Variants in BCAR3 observed in about 807,000 individuals in gnomAD.
The protein encoded by BCAR3 is breast cancer anti-estrogen resistance protein 3.
A neutral mutation model predicts 80.1 loss-of-function variants in BCAR3; 37 were observed. That is an observed-to-expected ratio of 0.46 (90% confidence interval 0.36 to 0.61). The LOEUF (loss-of-function observed/expected upper bound fraction) is 0.61. Among genes scored for constraint, BCAR3 ranks in the 20% least tolerant of loss-of-function variants. The pLI, the probability that BCAR3 is intolerant of heterozygous loss-of-function variation, is 0.00. For synonymous variants in BCAR3, 389 were observed against 418.9 expected, an observed-to-expected ratio of 0.93 and a Z score of 0.87; for missense variants, 978 against 1,068.2, an observed-to-expected ratio of 0.92 and a Z score of 1.18.
chr1:93,670,372 C>T (rs1339150744), intron 2 of BCAR3, among the ~76,000 whole-genome samples: 2 of 152,146 alleles, frequency 1.3e-5, no homozygotes, highest in African/African-American at 4.8e-5. Flanking sequence ...AGACCAACTC[C>T]CCCTTCCAGG....
At chr1:93,581,403 A>G (rs1445418828) in intron 7 of BCAR3, among the ~76,000 whole-genome samples, 1 of 151,304 alleles carries the variant, frequency 6.6e-6, no homozygotes, top group African/African-American at 2.4e-5. Context: ...TTTAATCTGT[A>G]TTTTAGAATT....
intron 8 of BCAR3, among the ~76,000 whole-genome samples, 155 bp from the exon 9 acceptor site, chr1:93,571,996 G>C (rs1317597062): frequency 3.3e-5 from 5 of 152,336 alleles, no homozygotes; most frequent in Middle Eastern, 3.4e-3. Flanking sequence ...TCTCAACAGA[G>C]AGAACGCCCC....
intron 2 of BCAR3, among the ~76,000 whole-genome samples, chr1:93,714,223 C>T (rs1364335678): frequency 4.6e-5 from 7 of 152,164 alleles, no homozygotes; most frequent in Non-Finnish European, 7.3e-5. Flanking sequence ...CCTCGTGATC[C>T]GCCCACCTCG....
intron 1 of BCAR3, among the ~76,000 whole-genome samples, chr1:93,680,615 T>C (rs1184297058): frequency 6.6e-6 from 1 of 152,170 alleles, no homozygotes; most frequent in African/African-American, 2.4e-5. Context: ...TGTGTAGCCT[T>C]GGGAGATAAA....
At chr1:93,783,964 G>GATGTTTACCCTTAGAACTCATCCACC (rs1261976105) in intron 2 of BCAR3, among the ~76,000 whole-genome samples, 1 of 152,140 alleles carries the variant, frequency 6.6e-6, no homozygotes, top group Non-Finnish European at 1.5e-5. Flanking sequence ...TCTCTCTTGC[G>GATGTTTACCCTTAGAACTCATCCACC]ATGTTTACCC....
At chr1:93,801,954 C>A (rs1475555414) in intron 2 of BCAR3, among the ~76,000 whole-genome samples, 1 of 151,878 alleles carries the variant, frequency 6.6e-6, no homozygotes, top group African/African-American at 2.4e-5. Context: ...CCCGTCTCTA[C>A]TAAAAATACA....
chr1:93,708,824 T>C (rs1034878921), intron 2 of BCAR3, among the ~76,000 whole-genome samples: 3 of 152,210 alleles, frequency 2.0e-5, no homozygotes, highest in African/African-American at 7.2e-5. Flanking sequence ...GGGGCTCCTT[T>C]GCCCCGCCAG....
intron 2 of BCAR3, among the ~76,000 whole-genome samples, chr1:93,772,767 A>G (rs1283676182): frequency 6.6e-6 from 1 of 151,916 alleles, no homozygotes; most frequent in Admixed American, 6.6e-5. Context: ...CACCACGCCC[A>G]GCTAATTTTT....
At chr1:93,707,810 C>T (rs993335152) in intron 2 of BCAR3, among the ~76,000 whole-genome samples, 4 of 152,134 alleles carry the variant, frequency 2.6e-5, no homozygotes, top group Admixed American at 1.3e-4. Context: ...AAGAAAACAA[C>T]GTAATATTAA....
At chr1:93,625,216 TA>T (rs1218897969) in intron 3 of BCAR3, among the ~76,000 whole-genome samples, 1 of 152,078 alleles carries the variant, frequency 6.6e-6, no homozygotes, top group African/African-American at 2.4e-5. Flanking sequence ...ATCTCAAAAA[TA>T]AAAGAGTCAT....
intron 2 of BCAR3, among the ~76,000 whole-genome samples, chr1:93,841,610 T>C (rs1196829354): frequency 1.3e-5 from 2 of 152,252 alleles, no homozygotes; most frequent in East Asian, 3.8e-4. Context: ...TACCTGCATC[T>C]GCCTCAGTTT....
At chr1:93,751,315 G>A (rs1651549494) in intron 2 of BCAR3, among the ~76,000 whole-genome samples, 1 of 152,058 alleles carries the variant, frequency 6.6e-6, no homozygotes, top group South Asian at 2.1e-4. Context: ...ATAAACCTCT[G>A]GACTTCCACT....
chr1:93,682,747 T>C (rs1032915719), upstream of BCAR3, among the ~76,000 whole-genome samples: 1 of 152,086 alleles, frequency 6.6e-6, no homozygotes, highest in African/African-American at 2.4e-5. Context: ...TAGAGACGGG[T>C]TCACCATTTT....
chr1:93,583,034 C>G (rs1250351206), intron 6 of BCAR3, 81 bp from the exon 7 acceptor site: 16 of 1,441,400 alleles, frequency 1.1e-5, no homozygotes, highest in African/African-American at 1.4e-5. Context: ...GGCAGCTCCC[C>G]AGCCCTCCAT....
Position 93,820,559 on chromosome 1 carries a change from A to G in BCAR3, c.-63+25008T>C, listed in dbSNP as rs375219056. ...GAGAATAAAACTCTAGGAGCAGCCA[A>G]TGAAAGAGATGCATAGGGCAAGGTA... On this transcript the variant is annotated intron_variant, in intron 2 of 13. Coordinates refer to the BCAR3 transcript ENST00000370244. 1.8e-4 allele frequency among the ~76,000 whole-genome samples: 27 copies of G among 152,364 alleles called. No homozygotes were observed. In the East Asian group the frequency reaches 2.5e-3, roughly 14 times the overall value.
Position 93,609,462 on chromosome 1 carries a change from G to A in BCAR3, c.358-17069C>T, listed in dbSNP as rs79605907. Among the ~76,000 whole-genome samples the A allele has an allele frequency of 2.6e-5, 4 of 152,018 alleles. No homozygotes were observed. The East Asian group carries it at 5.8e-4, about 22-fold the overall frequency. ...TTTCCGCCCTTGCAAGGTAATTCCC[G>A]TCTCTTAGGTTCCTCTGACACAGGC... On this transcript the variant is annotated intron_variant, in intron 3 of 11. Transcript: ENST00000260502.
intron 2 of BCAR3, among the ~76,000 whole-genome samples, chr1:93,661,725 G>A (rs1647672385): frequency 6.6e-6 from 1 of 152,172 alleles, no homozygotes; most frequent in African/African-American, 2.4e-5. Context: ...CTGACCTCAG[G>A]TGATCCACCC....
chr1:93,789,159 TA>T (rs1010798375), intron 2 of BCAR3, among the ~76,000 whole-genome samples: 1 of 151,962 alleles, frequency 6.6e-6, no homozygotes, highest in African/African-American at 2.4e-5. Flanking sequence ...CCCAGCTAAT[TA>T]AAAAAATATG....
At chr1:93,666,124 C>T (rs576244180) in intron 2 of BCAR3, among the ~76,000 whole-genome samples, 1 of 152,302 alleles carries the variant, frequency 6.6e-6, no homozygotes, top group Admixed American at 6.5e-5. Flanking sequence ...CTTCTAAAAA[C>T]TGATCGTGCC....
Sources: allele counts gnomAD v4.1 joint callset (sites outside exome capture counted in the v4.1 genomes callset), GRCh38; gene constraint gnomAD v4.1.1; transcripts MANE v1.5; gene names NCBI Gene and HGNC (gene_info 2026-07-23, HGNC 2026-07-21).